The following RIMS2 variants were observed in gnomAD, a reference collection of about 807,000 sequenced individuals.
RIMS2 encodes the protein regulating synaptic membrane exocytosis 2, also known as regulating synaptic membrane exocytosis protein 2.
A neutral mutation model predicts 174.4 loss-of-function variants in RIMS2; 59 were observed. The observed-to-expected ratio is 0.34, with a 90% confidence interval of 0.27 to 0.42. The LOEUF (loss-of-function observed/expected upper bound fraction) is 0.42. Among genes scored for constraint, RIMS2 ranks in the 10% least tolerant of loss-of-function variants. RIMS2 has a pLI of 1.00. For synonymous variants in RIMS2, 606 were observed against 572.5 expected, an observed-to-expected ratio of 1.06 and a Z score of -0.84; for missense variants, 1,620 against 1,666.3, an observed-to-expected ratio of 0.97 and a Z score of 0.48.
chr8:104,021,364 A>G (rs777283737), intron 19 of RIMS2, among the ~76,000 whole-genome samples: 1 of 152,186 alleles, frequency 6.6e-6, no homozygotes, highest in Non-Finnish European at 1.5e-5. Context: ...ACTTCTCAAC[A>G]TCTCAACATG....
intron 19 of RIMS2, among the ~76,000 whole-genome samples, chr8:104,043,540 TGTTA>T (rs1285466794): frequency 6.6e-6 from 1 of 151,556 alleles, no homozygotes; most frequent in African/African-American, 2.4e-5. Flanking sequence ...TTGGGAAGGA[TGTTA>T]GTTGTGTTAA....
chr8:103,582,304 A>G (rs965396496), intron 1 of RIMS2, among the ~76,000 whole-genome samples: 1 of 152,088 alleles, frequency 6.6e-6, no homozygotes, highest in East Asian at 1.9e-4. Flanking sequence ...TACATCGAGG[A>G]CCTTGGGCGA....
intron 3 of RIMS2, among the ~76,000 whole-genome samples, chr8:103,766,863 A>G (rs901713778): frequency 1.6e-4 from 25 of 152,090 alleles, no homozygotes; most frequent in African/African-American, 6.0e-4. Flanking sequence ...ATGGCTATAG[A>G]CTCTTTATAG....
intron 3 of RIMS2, among the ~76,000 whole-genome samples, chr8:103,816,227 G>A (rs912364638): frequency 1.3e-5 from 2 of 152,012 alleles, no homozygotes; most frequent in African/African-American, 4.8e-5. Context: ...AGATGATGTG[G>A]CAGGCTAAAA....
intron 2 of RIMS2, among the ~76,000 whole-genome samples, chr8:103,736,217 T>C (rs1182850010): frequency 6.6e-6 from 1 of 152,208 alleles, no homozygotes; most frequent in Non-Finnish European, 1.5e-5. Context: ...AAATTTGAAT[T>C]CCTTGAAGTA....
At chr8:103,893,618 AT>A (rs1243302496) in intron 4 of RIMS2, among the ~76,000 whole-genome samples, 1 of 152,072 alleles carries the variant, frequency 6.6e-6, no homozygotes, top group Non-Finnish European at 1.5e-5. Flanking sequence ...TGTTTTTTAC[AT>A]TTTTGAATGG....
At chr8:103,968,301 T>C (rs1354458534) in intron 15 of RIMS2, among the ~76,000 whole-genome samples, 1 of 152,224 alleles carries the variant, frequency 6.6e-6, no homozygotes, top group Non-Finnish European at 1.5e-5. Flanking sequence ...CAGTCTCTTT[T>C]AGTTAGTGCA....
intron 2 of RIMS2, among the ~76,000 whole-genome samples, chr8:103,750,421 T>C (rs1037069054): frequency 1.3e-5 from 2 of 152,140 alleles, no homozygotes; most frequent in Non-Finnish European, 2.9e-5. Flanking sequence ...AATTACAAAA[T>C]TATAAGTCAT....
chr8:103,554,489 C>A (rs1310451708), intron 1 of RIMS2, among the ~76,000 whole-genome samples: 1 of 152,042 alleles, frequency 6.6e-6, no homozygotes, highest in Non-Finnish European at 1.5e-5. Flanking sequence ...TGATGAGATA[C>A]CATCTCACCA....
chr8:103,635,989 G>A (rs1026906964), intron 1 of RIMS2, among the ~76,000 whole-genome samples: 6 of 152,144 alleles, frequency 3.9e-5, no homozygotes, highest in African/African-American at 1.4e-4. Flanking sequence ...CCTTAAAGCA[G>A]CAGTCTGGCC....
At chr8:103,753,158 T>G (rs1205254206) in intron 2 of RIMS2, among the ~76,000 whole-genome samples, 1 of 148,964 alleles carries the variant, frequency 6.7e-6, no homozygotes, top group South Asian at 2.1e-4. Context: ...TAGTTGAATT[T>G]TGTCAAAGGC....
intron 19 of RIMS2, among the ~76,000 whole-genome samples, chr8:104,018,206 C>T (rs1159950338): frequency 6.6e-6 from 1 of 152,080 alleles, no homozygotes; most frequent in Admixed American, 6.5e-5. Flanking sequence ...TCTGCAAGTA[C>T]AGAAGTTAAT....
rs181265485 is a variant in RIMS2 at position 103,730,072 on chromosome 8, T to A, written c.387+32776T>A. 4.4e-3 allele frequency among the ~76,000 whole-genome samples: 670 copies of A among 152,062 alleles called. 24 individuals are homozygous for A. Among genetic ancestry groups the A allele is most frequent in the Admixed American group, 0.035 (535 of 15,262 alleles). ...AATTATCTATTAGGTCCATTTGGAC[T>A]ATACTGCAGATTATGTCTGATGTTT... On this transcript the variant is annotated intron_variant, in intron 2 of 23. Coordinates refer to ENST00000504942, the Ensembl canonical transcript of RIMS2.
rs183141916 is a variant in RIMS2, at chr8:103,934,063, T to C, written c.2376-2488T>C. Among the ~76,000 whole-genome samples, 461 of 152,280 alleles carry C rather than the reference T, an allele frequency of 3.0e-3. 1 individual carries two copies. Among genetic ancestry groups the C allele is most frequent in the African/African-American group, 0.011 (438 of 41,570 alleles). ...CTGGGCTTGTTTTATACTCTTTTTT[T>C]GTATCTTGAAGTTAGTTACTAGTTC... is the stretch of plus-strand genomic sequence containing the variant. On this transcript the variant is annotated intron_variant, in intron 12 of 23. Transcript: ENST00000504942.
intron 17 of RIMS2, among the ~76,000 whole-genome samples, chr8:104,005,791 GT>G (rs2095553532): frequency 6.6e-6 from 1 of 152,104 alleles, no homozygotes; most frequent in African/African-American, 2.4e-5. Flanking sequence ...CTGCTATGAA[GT>G]TTGAAGAGAG....
At chr8:103,578,596 G>C (rs1554645496) in intron 1 of RIMS2, among the ~76,000 whole-genome samples, 2 of 151,946 alleles carry the variant, frequency 1.3e-5, no homozygotes, top group Non-Finnish European at 2.9e-5. Flanking sequence ...ACATATAAAG[G>C]AGCTCCATTT....
intron 3 of RIMS2, among the ~76,000 whole-genome samples, chr8:103,821,519 T>TC (rs1489719625): frequency 6.6e-6 from 1 of 151,754 alleles, no homozygotes; most frequent in Non-Finnish European, 1.5e-5. Context: ...TTCATAAATG[T>TC]CCCATCAGCT....
At chr8:104,151,218 A>T (rs187918229) in intron 19 of RIMS2, among the ~76,000 whole-genome samples, 1 of 152,302 alleles carries the variant, frequency 6.6e-6, no homozygotes, top group African/African-American at 2.4e-5. Flanking sequence ...GATGACTCCC[A>T]TATTTCTGAC....
chr8:103,578,782 A>G (rs1274841382), intron 1 of RIMS2, among the ~76,000 whole-genome samples: 1 of 151,974 alleles, frequency 6.6e-6, no homozygotes, highest in African/African-American at 2.4e-5. Context: ...CAGGCTTATC[A>G]CCTGAGGTCA....
Sources: allele counts gnomAD v4.1 joint callset (sites outside exome capture counted in the v4.1 genomes callset), GRCh38; gene constraint gnomAD v4.1.1; transcripts MANE v1.5; gene names NCBI Gene and HGNC (gene_info 2026-07-23, HGNC 2026-07-21).